CHN2: variants seen among roughly 807,000 people sequenced by gnomAD.
CHN2 encodes the protein beta-chimaerin.
In CHN2, 35 loss-of-function variants were observed where a neutral mutation model predicts 56.3. The observed-to-expected ratio is 0.62, with a 90% CI of 0.47 to 0.82. The LOEUF (loss-of-function observed/expected upper bound fraction) is 0.82. Among genes scored for constraint, CHN2 ranks in the 40% least tolerant of loss-of-function variants. The pLI, the probability that CHN2 is intolerant of heterozygous loss-of-function variation, is 0.00. For missense variants in CHN2, 491 were observed against 580.5 expected (o/e 0.85, Z 1.58); for synonymous variants, 210 against 212.8 (o/e 0.99, Z 0.12).
At chr7:29,346,662 T>G (rs1797462820) in intron 1 of CHN2, among the ~76,000 whole-genome samples, 1 of 152,214 alleles carries the variant, frequency 6.6e-6, no homozygotes, top group Admixed American at 6.5e-5. Flanking sequence ...CCTTGATAGC[T>G]CATTCTCTAC....
chr7:29,299,902 G>T (rs895280597), intron 1 of CHN2, among the ~76,000 whole-genome samples: 1 of 152,180 alleles, frequency 6.6e-6, no homozygotes, highest in Admixed American at 6.5e-5. Flanking sequence ...GGAGGATGAA[G>T]CAACTTGGGG....
At chr7:29,176,095 A>G (rs1001704192) in intron 2 of CHN2, among the ~76,000 whole-genome samples, 1 of 152,094 alleles carries the variant, frequency 6.6e-6, no homozygotes, top group Non-Finnish European at 1.5e-5. Context: ...CTGAGGCAGG[A>G]GAATGGTGTG....
At chr7:29,405,495 G>A (rs1166228960) in intron 6 of CHN2, among the ~76,000 whole-genome samples, 2 of 151,960 alleles carry the variant, frequency 1.3e-5, no homozygotes, top group Non-Finnish European at 2.9e-5. Context: ...GTGCCCTCTG[G>A]GACCCTCCCC....
intron 6 of CHN2, among the ~76,000 whole-genome samples, chr7:29,414,782 A>G (rs529301755): frequency 9.2e-5 from 14 of 152,262 alleles, no homozygotes; most frequent in Non-Finnish European, 1.8e-4. Flanking sequence ...CAGCCAGTGT[A>G]ATGCCTCTCA....
At chr7:29,381,015 A>T (rs577733150) in intron 3 of CHN2, among the ~76,000 whole-genome samples, 13 of 152,344 alleles carry the variant, frequency 8.5e-5, no homozygotes, top group African/African-American at 2.6e-4. Context: ...ACTGAAGACC[A>T]AAAGAAAGGA....
intron 6 of CHN2, chr7:29,479,591 C>T (rs1585543068): frequency 2.4e-6 from 2 of 836,414 alleles, no homozygotes; most frequent in Non-Finnish European, 2.9e-6. Flanking sequence ...ATTAAACAGT[C>T]ATCAGGGTTT....
At chr7:29,220,795 A>T (rs923952360) in intron 1 of CHN2, among the ~76,000 whole-genome samples, 2 of 152,158 alleles carry the variant, frequency 1.3e-5, no homozygotes, top group Admixed American at 6.6e-5. Flanking sequence ...TTCTTAAATC[A>T]TGTGTGAAAT....
intron 1 of CHN2, among the ~76,000 whole-genome samples, chr7:29,207,923 A>G (rs1370731329): frequency 6.6e-6 from 1 of 152,240 alleles, no homozygotes; most frequent in Non-Finnish European, 1.5e-5. Context: ...AAGTAAAGAA[A>G]AAATGCATTT....
At chr7:29,283,922 C>CTTAT (rs1791930471) in intron 1 of CHN2, among the ~76,000 whole-genome samples, 1 of 69,956 alleles carries the variant, frequency 1.4e-5, no homozygotes, top group Admixed American at 1.8e-4. Flanking sequence ...CAGCCAAGCT[C>CTTAT]TTTTTTTTTT....
chr7:29,356,635 T>C (rs1485102091), intron 2 of CHN2, among the ~76,000 whole-genome samples: 2 of 152,198 alleles, frequency 1.3e-5, no homozygotes, highest in Non-Finnish European at 2.9e-5. Context: ...CTTGTTTTTA[T>C]CTCTCCTTGT....
chr7:29,398,529 G>C lies in CHN2; in HGVS notation c.290+43G>C, dbSNP rs1319812957. 6 of 1,245,238 alleles carry C rather than the reference G, an allele frequency of 4.8e-6. No individual in the cohort carries two copies. In the Admixed American group the frequency reaches 1.0e-4, roughly 21 times the overall value. The allele number at this position is 1,245,238 out of a possible 1,614,324, so 77.1% of individuals were successfully genotyped here. A position where few individuals can be genotyped will look rare whatever the true frequency, so the allele number is the denominator to read the frequency against. ...CCTTGTTTTCATTGCTGTACAAGTG[G>C]CTTCACTGATGTTTGCCCATTTTTA... On this transcript the variant is annotated intron_variant, in intron 5 of 12. Transcript: ENST00000222792.
chr7:29,360,070 C>T (rs1205697308), intron 2 of CHN2, among the ~76,000 whole-genome samples: 1 of 152,210 alleles, frequency 6.6e-6, no homozygotes, highest in African/African-American at 2.4e-5. Context: ...CCCCAGATCT[C>T]TGGATCAGAA....
intron 1 of CHN2, among the ~76,000 whole-genome samples, chr7:29,206,445 C>T (rs1390247568): frequency 6.6e-6 from 1 of 152,080 alleles, no homozygotes; most frequent in Admixed American, 6.6e-5. Flanking sequence ...CCACACCCAG[C>T]TAATTTTTGT....
Position 29,400,543 on chromosome 7 carries a change from G to A in CHN2, c.291G>A (p.Arg97=), listed in dbSNP as rs1376938306. The A allele has an allele frequency of 1.3e-5, 21 of 1,613,510 alleles. No homozygotes were observed. The highest frequency in any genetic ancestry group is 1.7e-5 in the Non-Finnish European group (20 of 1,179,760). The change falls in exon 6 of 13, where the codon AGG becomes AGA. Residue 97 remains arginine, a splice_region_variant and synonymous_variant. Coordinates refer to ENST00000222792, the MANE Select transcript of CHN2 (RefSeq NM_004067.4). ...RQPGCYTLAL[R]FGNQTLNYRL... is the part of the protein sequence containing the mutation. Reference sequence around the variant, plus strand: ...TAATCCCTCATTCTCTCACGGGCAGGTTTGGAAACCAGACCTTAAACTACA... The same window carrying A: ...TAATCCCTCATTCTCTCACGGGCAGATTTGGAAACCAGACCTTAAACTACA...
chr7:29,319,527 A>G (rs987042045), intron 1 of CHN2, among the ~76,000 whole-genome samples: 4 of 152,156 alleles, frequency 2.6e-5, no homozygotes, highest in Non-Finnish European at 5.9e-5. Context: ...CTTTAATTTA[A>G]CATCCTGTGG....
At chr7:29,235,179 A>G (rs1256716233) in intron 1 of CHN2, among the ~76,000 whole-genome samples, 1 of 152,198 alleles carries the variant, frequency 6.6e-6, no homozygotes, top group East Asian at 1.9e-4. Context: ...ACTTAAACAA[A>G]CAAGCAAAAA....
At chr7:29,401,563 C>T (rs1802208689) in intron 6 of CHN2, among the ~76,000 whole-genome samples, 1 of 152,178 alleles carries the variant, frequency 6.6e-6, no homozygotes. Context: ...CCATGATCCA[C>T]AGGTCAGGTC....
At chr7:29,196,784 C>T (rs1257656443) in intron 1 of CHN2, among the ~76,000 whole-genome samples, 1 of 152,180 alleles carries the variant, frequency 6.6e-6, no homozygotes, top group Non-Finnish European at 1.5e-5. Flanking sequence ...TGGTTTGAAA[C>T]AACACAGTAT....
intron 6 of CHN2, among the ~76,000 whole-genome samples, chr7:29,448,786 TTTG>T (rs1265808221): frequency 6.7e-6 from 1 of 150,292 alleles, no homozygotes; most frequent in African/African-American, 2.5e-5. Context: ...TGGGGAAGGC[TTTG>T]TGCCCCAGAG....
Sources: allele counts gnomAD v4.1 joint callset (sites outside exome capture counted in the v4.1 genomes callset), GRCh38; gene constraint gnomAD v4.1.1; transcripts MANE v1.5; gene names NCBI Gene and HGNC (gene_info 2026-07-23, HGNC 2026-07-21).